The following CHD1L variants were observed in gnomAD, a reference collection of about 807,000 sequenced individuals.
CHD1L encodes chromodomain helicase DNA binding protein 1 like.
Under a neutral mutation model 115.9 loss-of-function variants are expected in CHD1L, and 118 were observed. The observed-to-expected ratio is 1.02, with a 90% CI of 0.88 to 1.19. The LOEUF (loss-of-function observed/expected upper bound fraction) is 1.19. Ranked by LOEUF, CHD1L falls within the 50% of genes most tolerant of loss-of-function variation. CHD1L has a pLI of 0.00. For synonymous variants in CHD1L, 411 were observed against 387.1 expected (o/e 1.06, Z -0.72); for missense variants, 1,179 against 1,065.3 (o/e 1.11, Z -1.49).
intron 16 of CHD1L, among the ~76,000 whole-genome samples, chr1:147,284,976 TA>T (rs1553964444): frequency 6.6e-6 from 1 of 152,178 alleles, no homozygotes; most frequent in Non-Finnish European, 1.5e-5. Flanking sequence ...AGAGTTCCAT[TA>T]AAAATGGCTG....
rs782235742 is a variant in CHD1L, at chr1:147,268,784, G to A, written c.991G>A (p.Val331Met). ...GGAGTGGGTTCTTTCTTTTCTAGGT[G>A]TGGAGCCGGAGCCTTTTGAAGTTGG... ...CVDHPYLFDG[V>M]EPEPFEVGDH... Residue 331 changes from valine (V) to methionine (M), a missense_variant and splice_region_variant, in exon 10 of 23, where the codon GTG becomes ATG. Physicochemically the swap from Val to Met is conservative, Grantham distance 21. Transcript: ENST00000369258. The A allele has an allele frequency of 6.2e-7, 1 of 1,613,012 alleles. No individual in the cohort carries two copies. The highest frequency in any genetic ancestry group is 8.5e-7 in the Non-Finnish European group (1 of 1,179,274).
intron 16 of CHD1L, 129 bp from the exon 17 acceptor site, chr1:147,285,195 C>G (rs1009788702): frequency 5.8e-6 from 6 of 1,041,554 alleles, no homozygotes; most frequent in South Asian, 1.7e-5. Context: ...TCCCACCATG[C>G]AGGGTGTGTG....
chr1:147,178,613 C>G, the CHD1L span: 7 of 1,597,278 alleles, frequency 4.4e-6, no homozygotes, highest in Non-Finnish European at 6.0e-6. Context: ...TTCAGTGAAG[C>G]TCACTCCGAG....
intron 5 of CHD1L, among the ~76,000 whole-genome samples, chr1:147,256,803 T>TAAA (rs1670309191): frequency 6.6e-6 from 1 of 152,238 alleles, no homozygotes; most frequent in Admixed American, 6.5e-5. Flanking sequence ...AAAATGAGGA[T>TAAA]AATTGTTTCT....
the CHD1L span, chr1:147,211,186 T>G: frequency 3.3e-5 from 5 of 152,204 alleles, no homozygotes; most frequent in African/African-American, 4.8e-5. Flanking sequence ...AAATGCTTTG[T>G]TATGTGGCAA....
chr1:147,194,585 G>A, the CHD1L span, among the ~76,000 whole-genome samples: 1 of 152,148 alleles, frequency 6.6e-6, no homozygotes, highest in Non-Finnish European at 1.5e-5. Flanking sequence ...GTTAGTTGAT[G>A]CAGTTTCTTC....
chr1:147,287,022 C>T (rs1168944410), intron 18 of CHD1L, among the ~76,000 whole-genome samples: 1 of 152,190 alleles, frequency 6.6e-6, no homozygotes, highest in Non-Finnish European at 1.5e-5. Flanking sequence ...CTTTATCACA[C>T]CTGTCCCACC....
chr1:147,240,680 G>A (rs1337790255), upstream of CHD1L, among the ~76,000 whole-genome samples: 1 of 152,174 alleles, frequency 6.6e-6, no homozygotes, highest in East Asian at 1.9e-4. Context: ...ACCACCTTAG[G>A]CCTGGAGGTG....
chr1:147,212,476 A>C, the CHD1L span: 1 of 1,613,046 alleles, frequency 6.2e-7, no homozygotes, highest in Non-Finnish European at 8.5e-7. Flanking sequence ...TTTCCAGTGA[A>C]TCCCTCTGGG....
At chr1:147,174,220 A>G in the CHD1L span, among the ~76,000 whole-genome samples, 6 of 152,128 alleles carry the variant, frequency 3.9e-5, no homozygotes, top group Non-Finnish European at 7.4e-5. Flanking sequence ...TCACCCCTCC[A>G]AAATCTTTAT....
chr1:147,198,871 A>AG, the CHD1L span, among the ~76,000 whole-genome samples: 1 of 150,752 alleles, frequency 6.6e-6, no homozygotes, highest in Admixed American at 6.6e-5. Context: ...AAAAAAAAAA[A>AG]AAAAGAAAGA....
the CHD1L span, chr1:147,201,377 C>T: frequency 1.4e-5 from 22 of 1,614,066 alleles, no homozygotes; most frequent in Non-Finnish European, 1.8e-5. Flanking sequence ...ATGTCATCCT[C>T]CCTGGAGCCA....
In CHD1L at chr1:147,267,407, CTTTT is replaced by C. The variant is rs781981891; in HGVS notation, c.896-13_896-10del. Reference sequence around the variant, plus strand: ...GTAGGCCATCTCTTTCTGTCTCTCTCTTTTTTTTTAAATTTCAGATGCATTTGAA... The same window carrying C: ...GTAGGCCATCTCTTTCTGTCTCTCTCTTTTTAAATTTCAGATGCATTTGAA... On this transcript the variant is annotated splice_polypyrimidine_tract_variant and intron_variant, in intron 8 of 22. Transcript: ENST00000369258. 1.4e-5 allele frequency: 22 copies of C among 1,560,464 alleles called. No individual in the cohort carries two copies. The highest frequency in any genetic ancestry group is 1.7e-4 in the Middle Eastern group (1 of 5,944).
the CHD1L span, among the ~76,000 whole-genome samples, chr1:147,216,543 A>G: frequency 6.6e-5 from 10 of 152,208 alleles, no homozygotes; most frequent in Non-Finnish European, 1.3e-4. Flanking sequence ...TAAAATGTAT[A>G]TGAAACTCCT....
At chr1:147,254,217 T>C (rs1553938234) in intron 2 of CHD1L, among the ~76,000 whole-genome samples, 1 of 152,218 alleles carries the variant, frequency 6.6e-6, no homozygotes, top group Non-Finnish European at 1.5e-5. Context: ...TTCCATTTTA[T>C]ACCCTTCCTT....
chr1:147,264,388 T>A, intron 6 of CHD1L, 34 bp from the exon 7 acceptor site: 1 of 1,532,486 alleles, frequency 6.5e-7, no homozygotes, highest in South Asian at 1.2e-5. Flanking sequence ...TCCAGTGTTA[T>A]GGAATTTTTA....
chr1:147,180,244 A>G, the CHD1L span, among the ~76,000 whole-genome samples: 1 of 152,150 alleles, frequency 6.6e-6, no homozygotes, highest in Non-Finnish European at 1.5e-5. Flanking sequence ...ATTTGCACCC[A>G]GGGAAATAGA....
At chr1:147,252,825 A>G (rs1327415207) in intron 2 of CHD1L, 90 bp downstream of exon 2, 37 of 1,092,240 alleles carry the variant, frequency 3.4e-5, no homozygotes, top group Non-Finnish European at 4.9e-5. Context: ...AGCTAAAACA[A>G]AGCTCAGTTT....
chr1:147,273,586 C>T (rs1677109636), intron 12 of CHD1L, among the ~76,000 whole-genome samples: 1 of 152,178 alleles, frequency 6.6e-6, no homozygotes, highest in South Asian at 2.1e-4. Flanking sequence ...TCAGGAGAAA[C>T]TGAAAGAATC....
Sources: allele counts gnomAD v4.1 joint callset (sites outside exome capture counted in the v4.1 genomes callset), GRCh38; gene constraint gnomAD v4.1.1; transcripts MANE v1.5; gene names NCBI Gene and HGNC (gene_info 2026-07-23, HGNC 2026-07-21).